The following VCL variants were observed in gnomAD, a reference collection of about 807,000 sequenced individuals.
VCL encodes vinculin.
In VCL, 47 loss-of-function variants were observed where a neutral mutation model predicts 125.7. The observed-to-expected ratio is 0.37, with a 90% CI of 0.30 to 0.48. The LOEUF (loss-of-function observed/expected upper bound fraction) is 0.48, where lower values mean the gene tolerates loss of function less well. Among genes scored for constraint, VCL ranks in the 20% least tolerant of loss-of-function variants. The probability of loss-of-function intolerance (pLI) is 0.99; values close to 1 mark genes in which losing one functional copy is unlikely to be tolerated. For synonymous variants in VCL, 458 were observed against 514.6 expected, an observed-to-expected ratio of 0.89 and a Z score of 1.49; for missense variants, 1,069 against 1,455.5, an observed-to-expected ratio of 0.73 and a Z score of 4.32.
chr10:74,114,461 A>T, intron 20 of VCL, 74 bp downstream of exon 20: 2 of 1,507,506 alleles, frequency 1.3e-6, no homozygotes, highest in Non-Finnish European at 1.8e-6. Flanking sequence ...GTTGGAGGGG[A>T]GGGTATGAGA....
chr10:74,009,576 G>C, intron 1 of VCL, among the ~76,000 whole-genome samples: 1 of 151,038 alleles, frequency 6.6e-6, no homozygotes, highest in Non-Finnish European at 1.5e-5. Context: ...TGTTTCTATT[G>C]GGAATTGTTA....
rs1221354907 is a variant in VCL at position 74,112,058 on chromosome 10, C to T, written c.2895C>T (p.Pro965=). 3 of 1,614,088 alleles carry T rather than the reference C, an allele frequency of 1.9e-6. No individual in the cohort carries two copies. The highest frequency in any genetic ancestry group is 2.7e-5 in the African/African-American group (2 of 74,940). ...LMPSNQPVNQ[P]ILAAAQSLHR... ...CATCCAATCAGCCGGTCAACCAGCC[C>T]ATTCTGGCCGCGGCTCAGTCCTTGC... Residue 965 remains proline (P), a synonymous_variant, in exon 19 of 22, where the codon CCC becomes CCT. Transcript: ENST00000211998.
chr10:74,117,343 G>C (rs1840327057), intron 21 of VCL, among the ~76,000 whole-genome samples: 1 of 152,140 alleles, frequency 6.6e-6, no homozygotes, highest in Non-Finnish European at 1.5e-5. Context: ...AGTTCGTGAT[G>C]ATAGGTTCAA....
chr10:74,020,602 AGACCGAGGTGGGTG>A (rs753704332), intron 1 of VCL, among the ~76,000 whole-genome samples: 10 of 152,138 alleles, frequency 6.6e-5, no homozygotes, highest in Middle Eastern at 3.2e-3. Context: ...ACACCTTGGG[AGACCGAGGTGGGTG>A]GACCACTTGA....
intron 2 of VCL, among the ~76,000 whole-genome samples, chr10:74,045,244 A>G (rs1841176142): frequency 6.6e-6 from 1 of 150,674 alleles, no homozygotes; most frequent in African/African-American, 2.5e-5. Context: ...AGGGAAATGA[A>G]AAACAGAGAG....
chr10:74,107,692 G>T (rs540100702), intron 17 of VCL, among the ~76,000 whole-genome samples: 2 of 152,242 alleles, frequency 1.3e-5, no homozygotes, highest in East Asian at 3.9e-4. Context: ...TGCACAGCTT[G>T]GAGTAAGGAG....
chr10:74,115,431 G>A (rs1840296933), intron 21 of VCL, among the ~76,000 whole-genome samples: 2 of 151,694 alleles, frequency 1.3e-5, no homozygotes, highest in Admixed American at 6.6e-5. Flanking sequence ...TAAATAAAAG[G>A]AATCTGGAAT....
At position 74,094,434 on chromosome 10, in the gene VCL, A is replaced by G. The variant is rs1460546859; in HGVS notation, c.1516A>G (p.Asn506Asp). ...KIEQAQRWIDNPTVDDRGVGQ... is the reference protein window; with the variant it reads ...KIEQAQRWIDDPTVDDRGVGQ... ...TGAGCAAGCACAGCGGTGGATTGATAATCCCACAGTGGATGACCGTGGAGT... is the reference window on the plus strand; with the variant it reads ...TGAGCAAGCACAGCGGTGGATTGATGATCCCACAGTGGATGACCGTGGAGT... The change falls in exon 11 of 22, where the codon AAT becomes GAT. Residue 506 changes from asparagine to aspartate, a missense_variant. By Grantham distance (23) the Asn-to-Asp change is conservative. Transcript: ENST00000211998. 6.2e-7 allele frequency: 1 copy of G among 1,614,106 alleles called. No homozygotes were observed. Among genetic ancestry groups the G allele is most frequent in the Non-Finnish European group, 8.5e-7 (1 of 1,179,998 alleles).
In VCL at chr10:74,118,074, G is replaced by C; in HGVS notation, c.3310G>C (p.Glu1104Gln). The C allele has an allele frequency of 6.2e-7, 1 of 1,614,176 alleles. No individual in the cohort carries two copies. The highest frequency in any genetic ancestry group is 1.6e-4 in the Middle Eastern group (1 of 6,062). The change falls in exon 22 of 22, where the codon GAG (glutamate) becomes CAG (glutamine). Residue 1104 changes from glutamate to glutamine, a missense_variant. Transcript: ENST00000211998. ...CCAGAACCTCATGCAGTCTGTGAAGGAGACTGTGCGGGAAGCTGAAGCTGC... is the reference window on the plus strand; with the variant it reads ...CCAGAACCTCATGCAGTCTGTGAAGCAGACTGTGCGGGAAGCTGAAGCTGC... ...NAQNLMQSVK[E>Q]TVREAEAASI... is the part of the protein sequence containing the mutation.
rs113517058 is a variant in VCL at position 74,062,591 on chromosome 10, C to T, written c.240-8079C>T. 3.6e-4 allele frequency among the ~76,000 whole-genome samples: 54 copies of T among 151,972 alleles called. 1 individual carries two copies. The highest frequency in any genetic ancestry group is 1.1e-3 in the African/African-American group (45 of 41,428). On this transcript the variant is annotated intron_variant, in intron 2 of 21. Coordinates refer to ENST00000211998, the MANE Select transcript of VCL (RefSeq NM_014000.3). ...TCTGTCATCTTTGTCATTTCTAGGT[C>T]GGTTTTGTTTTGAAATAGGGTCTTA... is the stretch of plus-strand genomic sequence containing the variant.
At chr10:73,998,606 G>T (rs751491101) in intron 1 of VCL, among the ~76,000 whole-genome samples, 1 of 152,244 alleles carries the variant, frequency 6.6e-6, no homozygotes, top group Non-Finnish European at 1.5e-5. Flanking sequence ...TCATGAAAAA[G>T]GCTGCCTTGC....
intron 1 of VCL, among the ~76,000 whole-genome samples, chr10:74,019,075 T>C (rs937101168): frequency 1.5e-4 from 23 of 152,294 alleles, no homozygotes; most frequent in African/African-American, 5.3e-4. Flanking sequence ...ACTAGACCCT[T>C]ATGGAAGGTT....
intron 8 of VCL, among the ~76,000 whole-genome samples, chr10:74,084,694 C>T (rs1591697357): frequency 6.6e-6 from 1 of 152,058 alleles, no homozygotes; most frequent in East Asian, 1.9e-4. Context: ...CTCACTGCAA[C>T]CTTCGCCTCC....
chr10:74,115,135 G>C (rs201828762), intron 21 of VCL, among the ~76,000 whole-genome samples: 1 of 152,208 alleles, frequency 6.6e-6, no homozygotes, highest in East Asian at 1.9e-4. Flanking sequence ...GGGAGGCTGA[G>C]GCGGGAGAAT....
At chr10:74,001,629 A>G (rs1394113383) in intron 1 of VCL, among the ~76,000 whole-genome samples, 1 of 152,226 alleles carries the variant, frequency 6.6e-6, no homozygotes, top group Non-Finnish European at 1.5e-5. Context: ...TGGCAGGGAA[A>G]ATGGAGAAGG....
At chr10:74,087,513 ATTTTT>A (rs1167937127) in intron 8 of VCL, among the ~76,000 whole-genome samples, 25 of 123,032 alleles carry the variant, frequency 2.0e-4, no homozygotes, top group African/African-American at 5.2e-4. Context: ...CGCCTGGCTA[ATTTTT>A]TTTTTTTTTT....
chr10:74,097,267 A>G lies in VCL; in HGVS notation c.1807A>G (p.Thr603Ala), dbSNP rs753788366. Residue 603 changes from threonine to alanine, a missense_variant, in exon 13 of 22, where the codon ACA (threonine) becomes GCA (alanine). Coordinates refer to ENST00000211998, the MANE Select transcript of VCL (RefSeq NM_014000.3). This position sits in a 1 kb window ranked among gnomAD's most constrained non-coding sequence, Gnocchi z 4.1. Reference sequence around the variant, plus strand: ...AGTGTCAGATGTTTTCAGCGATACCACAACTCCCATCAAGCTGTTGGCAGT... The same window carrying G: ...AGTGTCAGATGTTTTCAGCGATACCGCAACTCCCATCAAGCTGTTGGCAGT... ...QEVSDVFSDT[T>A]TPIKLLAVAA... 1 of 1,614,148 alleles carries G rather than the reference A, an allele frequency of 6.2e-7. No homozygotes were observed. The highest frequency in any genetic ancestry group is 1.1e-5 in the South Asian group (1 of 91,082).
intron 1 of VCL, among the ~76,000 whole-genome samples, chr10:74,018,316 C>T (rs1165996893): frequency 6.6e-6 from 1 of 151,204 alleles, no homozygotes; most frequent in Non-Finnish European, 1.5e-5. Context: ...CCTTGGCCTC[C>T]CAAAGTGCTA....
Position 74,097,563 on chromosome 10 carries a change from A to G in VCL, c.1872+231A>G, listed in dbSNP as rs1002771344. On this transcript the variant is annotated intron_variant, in intron 13 of 21. Transcript: ENST00000211998. The surrounding 1 kb of genome is among the most constrained non-coding windows in gnomAD (Gnocchi z 4.1). ...GACCTGACCATCAGAGATGAAAACA[A>G]CCGGGTTTGTTTTCATCACAAACCA... Among the ~76,000 whole-genome samples, 4 of 152,154 alleles carry G rather than the reference A, an allele frequency of 2.6e-5. No homozygotes were observed. The highest frequency in any genetic ancestry group is 4.4e-5 in the Non-Finnish European group (3 of 68,032).
Sources: allele counts gnomAD v4.1 joint callset (sites outside exome capture counted in the v4.1 genomes callset), GRCh38; gene constraint gnomAD v4.1.1; non-coding constraint Gnocchi (gnomAD v3.1); transcripts MANE v1.5; gene names NCBI Gene and HGNC (gene_info 2026-07-23, HGNC 2026-07-21).